PRKCQ: variants seen among roughly 807,000 people sequenced by gnomAD.
The protein encoded by PRKCQ is protein kinase C theta type.
Under a neutral mutation model 91.2 loss-of-function variants are expected in PRKCQ, and 41 were observed. That is an observed-to-expected ratio of 0.45 (90% confidence interval 0.35 to 0.58). The LOEUF is 0.58. PRKCQ is among the 20% of genes least tolerant of loss of function. PRKCQ has a pLI of 0.00. For missense variants in PRKCQ, 673 were observed against 896.5 expected, an observed-to-expected ratio of 0.75 and a Z score of 3.18; for synonymous variants, 307 against 316.9, an observed-to-expected ratio of 0.97 and a Z score of 0.33.
downstream of PRKCQ, among the ~76,000 whole-genome samples, chr10:6,422,443 G>A (rs1272597216): frequency 6.6e-6 from 1 of 152,124 alleles, no homozygotes; most frequent in Non-Finnish European, 1.5e-5. Flanking sequence ...CCCACTTGCT[G>A]TCCCTCCCCT....
At chr10:6,399,437 C>A in the PRKCQ span, among the ~76,000 whole-genome samples, 8 of 152,290 alleles carry the variant, frequency 5.3e-5, no homozygotes, top group Admixed American at 5.2e-4. Flanking sequence ...AACATCCACC[C>A]GGCTGAGCCC....
At chr10:6,419,494 T>C in the PRKCQ span, among the ~76,000 whole-genome samples, 100 of 152,294 alleles carry the variant, frequency 6.6e-4, 1 homozygote, top group African/African-American at 2.2e-3. Flanking sequence ...CTCAGTCAGG[T>C]TGTAACTCTC....
Position 6,444,263 on chromosome 10 carries a change from G to A in PRKCQ, c.1648-2182C>T, listed in dbSNP as rs144074808. ...TTTTTGTATTTTTGGTAGAGACAGG[G>A]TTTCACATGTTGATCAGGCTGGTCT... On this transcript the variant is annotated intron_variant, in intron 15 of 17. Transcript: ENST00000263125. Among the ~76,000 whole-genome samples, 691 of 152,148 alleles carry A rather than the reference G, an allele frequency of 4.5e-3. 4 individuals carry two copies. The highest frequency in any genetic ancestry group is 0.016 in the African/African-American group (664 of 41,502).
At position 6,451,711 on chromosome 10, in the gene PRKCQ, T is replaced by C. The variant is rs544229214; in HGVS notation, c.1647+4963A>G. On this transcript the variant is annotated intron_variant, in intron 15 of 17. Coordinates refer to ENST00000263125, the MANE Select transcript of PRKCQ (RefSeq NM_006257.5). ...CTGGCAAACCGAATCCAGCAGCACA[T>C]TAAAAAGCTTATCCACCATGATCAA... Among the ~76,000 whole-genome samples, 720 of 152,076 alleles carry C rather than the reference T, an allele frequency of 4.7e-3. 2 individuals carry two copies. Among genetic ancestry groups the C allele is most frequent in the African/African-American group, 0.016 (658 of 41,482 alleles).
chr10:6,441,084 TG>T (rs1222256598), intron 16 of PRKCQ, among the ~76,000 whole-genome samples: 1 of 152,196 alleles, frequency 6.6e-6, no homozygotes, highest in Non-Finnish European at 1.5e-5. Flanking sequence ...GACAATAGGT[TG>T]TCTTTTATCT....
intron 12 of PRKCQ, among the ~76,000 whole-genome samples, chr10:6,470,532 T>G (rs942429740): frequency 6.6e-6 from 1 of 152,218 alleles, no homozygotes; most frequent in African/African-American, 2.4e-5. Context: ...CAACACATAT[T>G]AAACTGCTCT....
chr10:6,509,156 C>T (rs1320551294), intron 3 of PRKCQ, among the ~76,000 whole-genome samples: 1 of 152,134 alleles, frequency 6.6e-6, no homozygotes, highest in Non-Finnish European at 1.5e-5. Context: ...CATCTGAATG[C>T]CACCATGTGC....
intron 16 of PRKCQ, among the ~76,000 whole-genome samples, chr10:6,440,558 C>A (rs1358989757): frequency 6.6e-6 from 1 of 152,128 alleles, no homozygotes; most frequent in Admixed American, 6.6e-5. Context: ...AGCAGAAACT[C>A]AGGAGTTAGA....
At chr10:6,406,330 T>TC in the PRKCQ span, among the ~76,000 whole-genome samples, 1 of 151,876 alleles carries the variant, frequency 6.6e-6, no homozygotes, top group Admixed American at 6.6e-5. Flanking sequence ...TTTTTTTTTT[T>TC]CATGACTAAA....
At chr10:6,477,033 C>G (rs534112059) in intron 12 of PRKCQ, among the ~76,000 whole-genome samples, 20 of 152,304 alleles carry the variant, frequency 1.3e-4, no homozygotes, top group African/African-American at 4.8e-4. Context: ...GAAGTTCCAG[C>G]CTGCTCCCTG....
At position 6,532,104 on chromosome 10, in the gene PRKCQ, T is replaced by C. The variant is rs376264956; in HGVS notation, c.-9-16960A>G. 3.3e-5 allele frequency among the ~76,000 whole-genome samples: 5 copies of C among 152,204 alleles called. No individual in the cohort carries two copies. In the South Asian group the frequency reaches 6.2e-4, roughly 19 times the overall value. ...TATTAATATTACATATGCCGAAGGA[T>C]TGTTTAATCGGCCAGATGTCGGACC... is the stretch of plus-strand genomic sequence containing the variant. On this transcript the variant is annotated intron_variant, in intron 1 of 17. Transcript: ENST00000263125.
At chr10:6,412,448 T>C in the PRKCQ span, among the ~76,000 whole-genome samples, 1 of 152,164 alleles carries the variant, frequency 6.6e-6, no homozygotes, top group Admixed American at 6.6e-5. Flanking sequence ...TGTAAGAATA[T>C]AGAAGAAAAA....
chr10:6,499,705 A>T (rs1837799543), intron 4 of PRKCQ, among the ~76,000 whole-genome samples: 1 of 152,242 alleles, frequency 6.6e-6, no homozygotes, highest in African/African-American at 2.4e-5. Flanking sequence ...AAGCAGGTTC[A>T]TCATATTTCA....
intron 12 of PRKCQ, among the ~76,000 whole-genome samples, chr10:6,467,585 A>G (rs1305824240): frequency 6.6e-6 from 1 of 152,086 alleles, no homozygotes; most frequent in Non-Finnish European, 1.5e-5. Context: ...CTGTGATGGC[A>G]TTGGGGGATG....
chr10:6,499,451 T>C (rs2130825340), intron 4 of PRKCQ, among the ~76,000 whole-genome samples: 1 of 152,174 alleles, frequency 6.6e-6, no homozygotes, highest in East Asian at 1.9e-4. Context: ...AAACACCAAA[T>C]TGTAAGGCAG....
intron 13 of PRKCQ, among the ~76,000 whole-genome samples, chr10:6,464,064 T>C (rs1298999176): frequency 6.6e-6 from 1 of 152,224 alleles, no homozygotes; most frequent in Non-Finnish European, 1.5e-5. Context: ...TCAGGTTAGT[T>C]AGAAGCCTGA....
chr10:6,539,836 T>C (rs896158067), intron 1 of PRKCQ, among the ~76,000 whole-genome samples: 5 of 152,214 alleles, frequency 3.3e-5, no homozygotes, highest in African/African-American at 1.2e-4. Flanking sequence ...CACTCAGTTG[T>C]GCATTTAGCA....
intron 15 of PRKCQ, among the ~76,000 whole-genome samples, chr10:6,446,383 G>GAGAC: frequency 1.9e-5 from 1 of 52,334 alleles, no homozygotes; most frequent in African/African-American, 6.0e-5. Flanking sequence ...TTTTTTTTTG[G>GAGAC]AGACAGAGTC....
the PRKCQ span, among the ~76,000 whole-genome samples, chr10:6,409,363 C>A: frequency 6.6e-6 from 1 of 152,162 alleles, no homozygotes; most frequent in African/African-American, 2.4e-5. Context: ...GGCACGATCT[C>A]GGCTCACTGC....
Sources: allele counts gnomAD v4.1 joint callset (sites outside exome capture counted in the v4.1 genomes callset), GRCh38; gene constraint gnomAD v4.1.1; transcripts MANE v1.5; gene names NCBI Gene and HGNC (gene_info 2026-07-23, HGNC 2026-07-21).